The following AQR variants were observed in gnomAD, a reference collection of about 807,000 sequenced individuals.
AQR encodes aquarius intron-binding spliceosomal factor.
AQR carries 61 observed loss-of-function variants against 180.5 expected under a neutral mutation model. The ratio of observed to expected loss-of-function variants is 0.34; its 90% CI spans 0.28 to 0.42. AQR has a LOEUF of 0.42. Ranked by LOEUF, AQR falls within the 10% of genes least tolerant of loss-of-function variation. The pLI is 1.00. For synonymous variants in AQR, 551 were observed against 588.8 expected (o/e 0.94, Z 0.93); for missense variants, 1,281 against 1,798.3 (o/e 0.71, Z 5.20).
intron 15 of AQR, among the ~76,000 whole-genome samples, chr15:34,917,756 G>A (rs1893617225): frequency 6.6e-6 from 1 of 151,292 alleles, no homozygotes; most frequent in Non-Finnish European, 1.5e-5. Context: ...GCTGAGGTGG[G>A]CAGATCGCTT....
At chr15:34,858,511 G>C (rs1348188560) in intron 34 of AQR, among the ~76,000 whole-genome samples, 1 of 152,094 alleles carries the variant, frequency 6.6e-6, no homozygotes, top group East Asian at 1.9e-4. Context: ...TCCCCAAATA[G>C]ATCCTAAACA....
chr15:34,877,601 G>A (rs893934047), intron 27 of AQR, among the ~76,000 whole-genome samples: 2 of 152,070 alleles, frequency 1.3e-5, no homozygotes, highest in African/African-American at 4.8e-5. Flanking sequence ...CAGAGTGGGG[G>A]CAACTCAAAA....
intron 16 of AQR, 74 bp from the exon 17 acceptor site, chr15:34,910,387 G>A: frequency 6.7e-7 from 1 of 1,498,900 alleles, no homozygotes; most frequent in Non-Finnish European, 9.2e-7. Flanking sequence ...GTTAAAACTA[G>A]TAAGTAGGAA....
intron 12 of AQR, among the ~76,000 whole-genome samples, chr15:34,927,798 T>C (rs1161498378): frequency 2.0e-5 from 3 of 152,218 alleles, no homozygotes; most frequent in Non-Finnish European, 4.4e-5. Flanking sequence ...ACACAGAAGG[T>C]TGCCAAGGTT....
At chr15:34,914,296 A>T (rs1893546225) in intron 16 of AQR, among the ~76,000 whole-genome samples, 1 of 152,234 alleles carries the variant, frequency 6.6e-6, no homozygotes, top group Non-Finnish European at 1.5e-5. Flanking sequence ...AGTCAGCCAT[A>T]TCTATAAAAC....
At chr15:34,873,744 G>T in intron 30 of AQR, 84 bp downstream of exon 30, 1 of 1,237,916 alleles carries the variant, frequency 8.1e-7, no homozygotes, top group Non-Finnish European at 1.1e-6. Context: ...TTTCTCAACG[G>T]CCAAATGGTT....
rs1032821885 is a variant in AQR, at chr15:34,857,026, T to G, written c.4224A>C (p.Glu1408Asp). 5 of 1,611,944 alleles carry G rather than the reference T, an allele frequency of 3.1e-6. No individual in the cohort carries two copies. The African/African-American group carries it at 6.7e-5, about 22-fold the overall frequency. ...TGTCAGCTTGAACAGTCATGGCCTC[T>G]TCTTCTGTTTCCAATTCTGTTTCTT... ...QNQETELETEEEAMTVQADII... is the reference protein window; with the variant it reads ...QNQETELETEDEAMTVQADII... Residue 1408 changes from glutamate to aspartate, a missense_variant, in exon 35 of 35, where the codon GAA (glutamate) becomes GAC (aspartate). By Grantham distance (45) the Glu-to-Asp change is conservative (BLOSUM62 2). This residue lies in a region of AQR where 182 missense variants were observed against 185.3 expected (regional missense o/e 0.98). Coordinates refer to ENST00000156471, the MANE Select transcript of AQR (RefSeq NM_014691.3).
At chr15:34,933,134 T>G (rs537088527) in intron 10 of AQR, among the ~76,000 whole-genome samples, 1 of 152,270 alleles carries the variant, frequency 6.6e-6, no homozygotes, top group East Asian at 1.9e-4. Flanking sequence ...TGTCTTTGTT[T>G]CCTCTCCTCA....
rs1267230271 is a variant in AQR at position 34,946,903 on chromosome 15, C to T, written c.330+1361G>A. 9.1e-5 allele frequency among the ~76,000 whole-genome samples: 13 copies of T among 143,086 alleles called. 1 individual carries two copies. Among genetic ancestry groups the T allele is most frequent in the Middle Eastern group, 8.3e-3 (2 of 240 alleles). 93.9% of individuals were successfully genotyped at this position (143,086 alleles called of 152,430 possible). Reference sequence around the variant, plus strand: ...AGGGAGGTGGGGGGGGTCAGCCCCCCGTCCGGCCAGCCGCCCCATCCGGGA... The same window carrying T: ...AGGGAGGTGGGGGGGGTCAGCCCCCTGTCCGGCCAGCCGCCCCATCCGGGA... On this transcript the variant is annotated intron_variant, in intron 5 of 34. Coordinates refer to ENST00000156471, the MANE Select transcript of AQR (RefSeq NM_014691.3).
chr15:34,911,114 T>C (rs897091628), intron 16 of AQR, among the ~76,000 whole-genome samples: 2 of 152,246 alleles, frequency 1.3e-5, no homozygotes, highest in African/African-American at 4.8e-5. Context: ...GATTTCCTTC[T>C]TTTTAAAAGG....
intron 20 of AQR, 134 bp from the exon 21 acceptor site, chr15:34,897,839 T>C: frequency 1.0e-6 from 1 of 957,322 alleles, no homozygotes; most frequent in Admixed American, 2.8e-5. Context: ...GATATCTGTA[T>C]GTAAACTCTG....
Position 34,952,865 on chromosome 15 carries a change from T to C in AQR, c.209+20A>G, listed in dbSNP as rs1894254130. ...GAAATCACATTATCTCTTTCATCAA[T>C]GGAATGCCTTATAACTTACCTAAAT... On this transcript the variant is annotated intron_variant, in intron 4 of 34. Transcript: ENST00000156471. 4 of 1,458,660 alleles carry C rather than the reference T, an allele frequency of 2.7e-6. No homozygotes were observed. Among genetic ancestry groups the C allele is most frequent in the South Asian group, 2.5e-5 (2 of 81,310 alleles). 90.4% of individuals were successfully genotyped at this position (1,458,660 alleles called of 1,614,324 possible).
intron 22 of AQR, among the ~76,000 whole-genome samples, chr15:34,894,291 G>A (rs1201696615): frequency 6.6e-6 from 1 of 152,032 alleles, no homozygotes; most frequent in Non-Finnish European, 1.5e-5. Context: ...ACAAAAAGAT[G>A]TTTAAAATGA....
intron 17 of AQR, among the ~76,000 whole-genome samples, chr15:34,908,181 G>C (rs946506869): frequency 6.6e-6 from 1 of 152,206 alleles, no homozygotes; most frequent in Non-Finnish European, 1.5e-5. Context: ...GCTGGGCACG[G>C]TGGCTCACGC....
chr15:34,896,921 A>G lies in AQR; in HGVS notation c.2436T>C (p.Ala812=), dbSNP rs1174593330. Residue 812 remains alanine (A), a synonymous_variant, in exon 22 of 35, where the codon GCT becomes GCC. Coordinates refer to ENST00000156471, the MANE Select transcript of AQR (RefSeq NM_014691.3). ...FTHTQIEAIR[A]GMQPGLTMVV... ...CCATAGTCAGCCCAGGCTGCATTCC[A>G]GCACGGATGGCTTCTATCTGTGTAT... The G allele has an allele frequency of 6.2e-7, 1 of 1,613,308 alleles. No individual in the cohort carries two copies. The highest frequency in any genetic ancestry group is 8.5e-7 in the Non-Finnish European group (1 of 1,179,308).
At chr15:34,907,001 A>T (rs1246611605) in intron 17 of AQR, among the ~76,000 whole-genome samples, 2 of 152,190 alleles carry the variant, frequency 1.3e-5, no homozygotes, top group Admixed American at 1.3e-4. Context: ...CAGCTCCAAA[A>T]TTGGATGTTC....
In AQR at chr15:34,910,240, C is replaced by T. The variant is rs775882659; in HGVS notation, c.1558G>A (p.Val520Ile). 6.8e-6 allele frequency: 11 copies of T among 1,614,200 alleles called. No homozygotes were observed. Among genetic ancestry groups the T allele is most frequent in the East Asian group, 6.7e-5 (3 of 44,880 alleles). ...MAQPIVAFTVVEVAKPNIGEN... is the reference protein window; with the variant it reads ...MAQPIVAFTVIEVAKPNIGEN... ...CCTATGTTGGGTTTGGCCACTTCAA[C>T]GACAGTGAAAGCCACAATGGGCTGG... The change falls in exon 17 of 35, where the codon GTT becomes ATT. Residue 520 changes from valine (V) to isoleucine (I), a missense_variant. This residue lies in a region of AQR where 200 missense variants were observed against 293.4 expected (regional missense o/e 0.68). Coordinates refer to ENST00000156471, the MANE Select transcript of AQR (RefSeq NM_014691.3).
chr15:34,862,453 C>T (rs1045292939), intron 33 of AQR, among the ~76,000 whole-genome samples: 1 of 152,108 alleles, frequency 6.6e-6, no homozygotes, highest in African/African-American at 2.4e-5. Flanking sequence ...AATCTAATAA[C>T]CTAATAGGCT....
At position 34,884,548 on chromosome 15, in the gene AQR, T is replaced by C; in HGVS notation, c.3004A>G (p.Lys1002Glu). Residue 1002 changes from lysine (K) to glutamate (E), a missense_variant, in exon 26 of 35, where the codon AAG (lysine) becomes GAG (glutamate). Transcript: ENST00000156471. ...EIAEGCFRHI[K>E]KIFTQLEEFR... ...ACCTCAAGCTGCGTAAAGATTTTCT[T>C]AATATGCCTGAAACATCCTTCAGCA... The C allele has an allele frequency of 6.3e-7, 1 of 1,598,796 alleles. No homozygotes were observed. The highest frequency in any genetic ancestry group is 8.5e-7 in the Non-Finnish European group (1 of 1,175,664).
Sources: allele counts gnomAD v4.1 joint callset (sites outside exome capture counted in the v4.1 genomes callset), GRCh38; gene constraint gnomAD v4.1.1; regional missense constraint gnomAD v4.1.1; transcripts MANE v1.5; gene names NCBI Gene and HGNC (gene_info 2026-07-23, HGNC 2026-07-21).